ZNF606: variants seen among roughly 807,000 people sequenced by gnomAD.
ZNF606 encodes the protein zinc finger protein 606.
A neutral mutation model predicts 74.9 loss-of-function variants in ZNF606; 37 were observed. That is an observed-to-expected ratio of 0.49 (90% CI 0.38 to 0.65). The LOEUF (loss-of-function observed/expected upper bound fraction) is 0.65, where lower values mean the gene tolerates loss of function less well. ZNF606 is among the 30% of genes least tolerant of loss of function. ZNF606 has a pLI of 0.00. For synonymous variants in ZNF606, 328 were observed against 312.4 expected, an observed-to-expected ratio of 1.05 and a Z score of -0.53; for missense variants, 852 against 952.9, an observed-to-expected ratio of 0.89 and a Z score of 1.39.
At chr19:57,983,217 T>C (rs2073113596) in intron 6 of ZNF606, among the ~76,000 whole-genome samples, 1 of 152,058 alleles carries the variant, frequency 6.6e-6, no homozygotes, top group Admixed American at 6.6e-5. Flanking sequence ...GAAAGTACGG[T>C]CTCCCTGGAA....
At chr19:57,999,989 C>T (rs142106754) in intron 3 of ZNF606, 93 bp from the exon 4 acceptor site, 37 of 1,112,380 alleles carry the variant, frequency 3.3e-5, no homozygotes, top group Non-Finnish European at 4.4e-5. Flanking sequence ...CTGCCCCTCC[C>T]CCTTGAATGA....
chr19:57,982,264 T>A (rs1356197023), intron 6 of ZNF606, among the ~76,000 whole-genome samples: 2 of 152,174 alleles, frequency 1.3e-5, no homozygotes, highest in East Asian at 3.9e-4. Flanking sequence ...TTCCTCCATC[T>A]GCAAAGCTCA....
intron 4 of ZNF606, among the ~76,000 whole-genome samples, chr19:57,989,545 C>G (rs2073218903): frequency 6.6e-6 from 1 of 151,994 alleles, no homozygotes; most frequent in African/African-American, 2.4e-5. Flanking sequence ...CTCCCAGGTT[C>G]AAGTGATCCT....
chr19:57,990,569 G>A (rs985569039), intron 4 of ZNF606, among the ~76,000 whole-genome samples: 2 of 143,262 alleles, frequency 1.4e-5, no homozygotes, highest in Non-Finnish European at 3.0e-5. Flanking sequence ...AAAATCAACC[G>A]CAAGACACCC....
intron 1 of ZNF606, chr19:58,002,046 T>C (rs2123357511): frequency 2.6e-6 from 1 of 388,378 alleles, no homozygotes; most frequent in Non-Finnish European, 5.2e-6. Context: ...TTCCTGGGTA[T>C]GTGTATAAAG....
chr19:57,979,284 T>A lies in ZNF606; in HGVS notation c.1396A>T (p.Ser466Cys), dbSNP rs753293495. 7.4e-6 allele frequency: 12 copies of A among 1,613,966 alleles called. No individual in the cohort carries two copies. In the African/African-American group the frequency reaches 1.6e-4, roughly 22 times the overall value. The stretch of plus-strand genomic sequence containing the variant: ...TGTACAATAAGATGAGAATTCCAGC[T>A]GAAGGCTTTTCCACATTTATTACAT... ...YECNKCGKAF[S>C]WNSHLIVHKR... is the part of the protein sequence containing the mutation. The change falls in exon 7 of 7, where the codon AGC becomes TGC. Residue 466 changes from serine to cysteine, a missense_variant. Physicochemically the swap from Ser to Cys is moderately radical, Grantham distance 112 (BLOSUM62 -1). Transcript: ENST00000551380.
At chr19:57,990,282 G>A (rs985925858) in intron 4 of ZNF606, among the ~76,000 whole-genome samples, 4 of 147,848 alleles carry the variant, frequency 2.7e-5, no homozygotes, top group Non-Finnish European at 4.5e-5. Context: ...GGAGAATGGC[G>A]TGAACCCAGG....
At chr19:58,002,954 C>T (rs551129027), upstream of ZNF606, 1 of 455,940 alleles carries the variant, frequency 2.2e-6, no homozygotes, top group Non-Finnish European at 4.4e-6. Flanking sequence ...ACCTTTCTGG[C>T]ACCTGCGTCG....
At chr19:57,990,051 CAAAAAAAAAAAA>C (rs1159494660) in intron 4 of ZNF606, among the ~76,000 whole-genome samples, 200 of 13,840 alleles carry the variant, frequency 0.014, 3 homozygotes, top group Middle Eastern at 0.12. Context: ...GACTCCATCT[CAAAAAAAAAAAA>C]AAAAAAAAAA....
chr19:57,998,952 C>G (rs1403079153), intron 4 of ZNF606: 1 of 152,668 alleles, frequency 6.6e-6, no homozygotes, highest in Non-Finnish European at 1.5e-5. Flanking sequence ...AGCCTGCTTC[C>G]CACAGCCCTC....
intron 4 of ZNF606, among the ~76,000 whole-genome samples, chr19:57,994,151 C>T (rs1320585450): frequency 1.3e-5 from 2 of 151,956 alleles, no homozygotes; most frequent in African/African-American, 4.8e-5. Context: ...ACAAGAGAGG[C>T]TGAGAGAATA....
At chr19:57,989,332 GA>G (rs1411168929) in intron 4 of ZNF606, among the ~76,000 whole-genome samples, 1 of 141,990 alleles carries the variant, frequency 7.0e-6, no homozygotes. Flanking sequence ...AATCTAAACT[GA>G]TTTTTTTTTT....
Position 57,978,669 on chromosome 19 carries a change from G to A in ZNF606, c.2011C>T (p.Arg671Trp), listed in dbSNP as rs779484288. The A allele has an allele frequency of 9.3e-6, 15 of 1,613,938 alleles. No individual in the cohort carries two copies. Among genetic ancestry groups the A allele is most frequent in the South Asian group, 2.2e-5 (2 of 91,078 alleles). The change falls in exon 7 of 7, where the codon CGG becomes TGG. Residue 671 changes from arginine to tryptophan, a missense_variant. By Grantham distance (101) the Arg-to-Trp change is moderately radical. This residue lies in a region of ZNF606 where 243 missense variants were observed against 359.2 expected (regional missense o/e 0.68). Transcript: ENST00000551380. This position sits in a 1 kb window ranked among gnomAD's most constrained non-coding sequence, Gnocchi z 4.4. ...FSQSCHLVAH[R>W]RIHTGEKPYK... The stretch of plus-strand genomic sequence containing the variant: ...GGTTTCTCACCAGTGTGAATTCTCC[G>A]ATGAGCAACAAGGTGACAGCTCTGA...
chr19:57,989,562 T>C (rs763932186), intron 4 of ZNF606, among the ~76,000 whole-genome samples: 3 of 151,988 alleles, frequency 2.0e-5, no homozygotes, highest in Non-Finnish European at 4.4e-5. Context: ...TCCTCCTGCC[T>C]CAGCCTCCCG....
At chr19:57,992,013 C>T (rs952723964) in intron 4 of ZNF606, among the ~76,000 whole-genome samples, 2 of 152,112 alleles carry the variant, frequency 1.3e-5, no homozygotes, top group Non-Finnish European at 2.9e-5. Flanking sequence ...AGGTGCAAAC[C>T]CACACCCTAA....
rs1465702842 is a variant in ZNF606 at position 57,979,183 on chromosome 19, A to C, written c.1497T>G (p.Leu499=). ...CGKSFNWNSH[L]IGHQRTHTGE... is the part of the protein sequence containing the mutation. The stretch of plus-strand genomic sequence containing the variant: ...CTGTATGAGTCCTCTGATGTCCAAT[A>C]AGATGAGAGTTCCAGTTGAAAGATT... The change falls in exon 7 of 7, where the codon CTT becomes CTG. Residue 499 remains leucine, a synonymous_variant. Transcript: ENST00000551380. 2.5e-6 allele frequency: 4 copies of C among 1,613,770 alleles called. No individual in the cohort carries two copies. Among genetic ancestry groups the C allele is most frequent in the Non-Finnish European group, 3.4e-6 (4 of 1,179,968 alleles).
chr19:58,002,006 T>G (rs1298571557), intron 1 of ZNF606: 1 of 366,658 alleles, frequency 2.7e-6, no homozygotes, highest in African/African-American at 2.1e-5. Context: ...GTTCCAGATC[T>G]TTGTACAAGT....
chr19:57,989,485 C>T (rs1035070303), intron 4 of ZNF606, among the ~76,000 whole-genome samples: 7 of 151,952 alleles, frequency 4.6e-5, no homozygotes, highest in Non-Finnish European at 7.4e-5. Flanking sequence ...CTCGCTCTGT[C>T]GCCCAGGCTG....
intron 6 of ZNF606, among the ~76,000 whole-genome samples, chr19:57,980,712 G>A (rs540806011): frequency 6.6e-6 from 1 of 152,138 alleles, no homozygotes; most frequent in South Asian, 2.1e-4. Flanking sequence ...GCGGGTGCCT[G>A]TAGTCCCAGC....
Sources: gnomAD v4.1 joint callset for allele counts (sites outside exome capture counted in the v4.1 genomes callset) on GRCh38, gnomAD v4.1.1 for gene constraint, gnomAD v4.1.1 regional missense constraint, Gnocchi (gnomAD v3.1) non-coding constraint, MANE v1.5 for transcripts, NCBI Gene and HGNC (gene_info 2026-07-23, HGNC 2026-07-21) for gene names.